The following YAF2 variants were observed in gnomAD, a reference collection of about 807,000 sequenced individuals.
YAF2 encodes YY1 associated factor 2, also known as YY1-associated factor 2.
Under a neutral mutation model 20.1 loss-of-function variants are expected in YAF2, and 7 were observed. The observed-to-expected ratio is 0.35, with a 90% CI of 0.20 to 0.65. The LOEUF is 0.65. Among genes scored for constraint, YAF2 ranks in the 30% least tolerant of loss-of-function variants. The pLI is 0.69. For missense variants in YAF2, 151 were observed against 219.2 expected (o/e 0.69, Z 1.96); for synonymous variants, 74 against 76.0 (o/e 0.97, Z 0.14).
Position 42,224,313 on chromosome 12 carries a change from G to A in YAF2, c.152+13286C>T, listed in dbSNP as rs114413712. The stretch of plus-strand genomic sequence containing the variant: ...ATATTTTAGTTTCTGATAGGCCCTT[G>A]ATGTCAACTACCTTAACTTTAAAAA... On this transcript the variant is annotated intron_variant, in intron 2 of 3. Transcript: ENST00000534854. Among the ~76,000 whole-genome samples, 781 of 152,238 alleles carry A rather than the reference G, an allele frequency of 5.1e-3. 3 individuals are homozygous for A. The highest frequency in any genetic ancestry group is 0.018 in the African/African-American group (761 of 41,530).
At chr12:42,210,662 T>G (rs1280021941) in intron 2 of YAF2, 7 of 1,535,754 alleles carry the variant, frequency 4.6e-6, no homozygotes, top group Non-Finnish European at 6.1e-6. Context: ...TACTGGTAAG[T>G]GATCCAGCTT....
rs12306689 is a variant in YAF2 at position 42,194,539 on chromosome 12, G to A, written c.153-32774C>T. Among the ~76,000 whole-genome samples, 1,432 of 152,270 alleles carry A rather than the reference G, an allele frequency of 9.4e-3. 26 individuals carry two copies. The highest frequency in any genetic ancestry group is 0.033 in the African/African-American group (1,364 of 41,540). ...AGCGCCTGTAATCCCAGCTACTTAG[G>A]AGGTGGAGGCAGGAGAATCACCTGA... On this transcript the variant is annotated intron_variant, in intron 2 of 3. Coordinates refer to ENST00000534854, the MANE Select transcript of YAF2 (RefSeq NM_005748.6).
intron 2 of YAF2, chr12:42,235,930 T>G: frequency 6.5e-7 from 1 of 1,536,104 alleles, no homozygotes; most frequent in South Asian, 1.2e-5. Flanking sequence ...ACTCTATTTC[T>G]CAGGGTTCCT....
chr12:42,201,920 C>G (rs1468993586), intron 2 of YAF2, among the ~76,000 whole-genome samples: 1 of 152,168 alleles, frequency 6.6e-6, no homozygotes, highest in Non-Finnish European at 1.5e-5. Flanking sequence ...GCAACAAAAT[C>G]ATTTACCCTT....
At chr12:42,204,279 C>T (rs73281880) in intron 2 of YAF2, among the ~76,000 whole-genome samples, 3,521 of 152,276 alleles carry the variant, frequency 0.023, 130 homozygotes, top group African/African-American at 0.081. Context: ...AAGTATCACA[C>T]GACCCAGCAA....
At chr12:42,233,100 C>T in intron 2 of YAF2, 1 of 985,310 alleles carries the variant, frequency 1.0e-6, no homozygotes, top group Non-Finnish European at 1.2e-6. Flanking sequence ...TTGCTGAATG[C>T]TGAATATTGA....
chr12:42,219,963 T>TG (rs972177398), intron 2 of YAF2, among the ~76,000 whole-genome samples: 2 of 152,104 alleles, frequency 1.3e-5, no homozygotes, highest in African/African-American at 2.4e-5. Flanking sequence ...CAAAGTTCCC[T>TG]GGTAAAATAA....
rs1466930520 is a variant in YAF2, at chr12:42,157,930, C to T, written c.*2659G>A. 6.6e-6 allele frequency: 1 copy of T among 152,138 alleles called. No homozygotes were observed. The highest frequency in any genetic ancestry group is 1.5e-5 in the Non-Finnish European group (1 of 68,016). 9.4% of individuals were successfully genotyped at this position (152,138 alleles called of 1,614,324 possible). On this transcript the variant is annotated 3_prime_UTR_variant, in exon 4 of 4. Coordinates refer to ENST00000534854, the MANE Select transcript of YAF2 (RefSeq NM_005748.6). ...CCATCACACCCGGCCTATCTTCACT[C>T]TTACTTATAGCAAAGTAAGGTAATA...
At chr12:42,161,092 T>G in intron 3 of YAF2, 1 of 413,586 alleles carries the variant, frequency 2.4e-6, no homozygotes, top group Non-Finnish European at 4.3e-6. Flanking sequence ...ATCATAATTT[T>G]GCAGACAGCT....
intron 2 of YAF2, chr12:42,232,687 C>T: frequency 5.1e-6 from 5 of 985,262 alleles, no homozygotes; most frequent in Non-Finnish European, 6.0e-6. Context: ...AGAATCAGTG[C>T]CAAACCTCAA....
intron 2 of YAF2, among the ~76,000 whole-genome samples, chr12:42,180,232 A>G (rs1422756654): frequency 6.6e-6 from 1 of 152,172 alleles, no homozygotes; most frequent in Non-Finnish European, 1.5e-5. Context: ...ATTGGATGTC[A>G]TTTCCAAAAT....
intron 2 of YAF2, chr12:42,212,304 C>A: frequency 5.9e-6 from 1 of 170,768 alleles, no homozygotes; most frequent in South Asian, 1.2e-4. Context: ...TAACTGAATA[C>A]ACATTAATCA....
chr12:42,233,638 A>T, intron 2 of YAF2: 1 of 614,088 alleles, frequency 1.6e-6, no homozygotes, highest in Non-Finnish European at 2.0e-6. Flanking sequence ...CAGCCTCCTG[A>T]GTAGCTGGGA....
At chr12:42,225,688 A>T (rs1312840193) in intron 2 of YAF2, among the ~76,000 whole-genome samples, 1 of 152,192 alleles carries the variant, frequency 6.6e-6, no homozygotes, top group Non-Finnish European at 1.5e-5. Context: ...AGATGGTTGT[A>T]GATACGTGGT....
At chr12:42,180,504 G>C (rs1437161882) in intron 2 of YAF2, among the ~76,000 whole-genome samples, 2 of 152,180 alleles carry the variant, frequency 1.3e-5, no homozygotes, top group Admixed American at 1.3e-4. Context: ...CCTTGTATCA[G>C]GAGATCCTGA....
intron 2 of YAF2, among the ~76,000 whole-genome samples, chr12:42,207,473 TA>T (rs2067077643): frequency 1.5e-5 from 1 of 64,534 alleles, no homozygotes; most frequent in Non-Finnish European, 3.8e-5. Flanking sequence ...AAATTATTAA[TA>T]ATATTATACT....
intron 2 of YAF2, chr12:42,233,940 G>A (rs1045606759): frequency 6.1e-6 from 6 of 976,852 alleles, no homozygotes; most frequent in African/African-American, 3.5e-5. Context: ...GGAAGCCGAC[G>A]CAGACGGATC....
At chr12:42,224,643 C>G (rs113303787) in intron 2 of YAF2, among the ~76,000 whole-genome samples, 13,165 of 152,028 alleles carry the variant, frequency 0.087, 808 homozygotes, top group Non-Finnish European at 0.14. Context: ...TTTTCTGATC[C>G]TGTGTTAGTG....
chr12:42,216,085 G>A (rs1265895076), intron 2 of YAF2, among the ~76,000 whole-genome samples: 4 of 151,916 alleles, frequency 2.6e-5, no homozygotes, highest in African/African-American at 9.7e-5. Context: ...ATAATCTAAA[G>A]TCATTGTTAG....
Sources: allele counts gnomAD v4.1 joint callset (sites outside exome capture counted in the v4.1 genomes callset), GRCh38; gene constraint gnomAD v4.1.1; transcripts MANE v1.5; gene names NCBI Gene and HGNC (gene_info 2026-07-23, HGNC 2026-07-21).